Variants in P2RY8 observed in about 807,000 individuals in gnomAD.
P2RY8 encodes P2Y receptor family member 8.
In P2RY8, 6 loss-of-function variants were observed where a neutral mutation model predicts 10.0. The observed-to-expected ratio is 0.60, with a 90% CI of 0.33 to 1.19. P2RY8 has a LOEUF of 1.19. Ranked by LOEUF, P2RY8 falls within the 50% of genes most tolerant of loss-of-function variation. The pLI, the probability that P2RY8 is intolerant of heterozygous loss-of-function variation, is 0.04. For synonymous variants in P2RY8, 276 were observed against 252.5 expected (o/e 1.09, Z -0.88); for missense variants, 456 against 542.0 (o/e 0.84, Z 1.58).
intron 1 of P2RY8, among the ~76,000 whole-genome samples, chrX:1,533,060 A>G (rs1323549716): frequency 1.3e-5 from 2 of 150,032 alleles, no homozygotes; most frequent in African/African-American, 4.9e-5. Context: ...AAGGAATGAC[A>G]CAAAGGACTT....
chrX:1,498,052 C>T (rs2092134311), intron 1 of P2RY8, among the ~76,000 whole-genome samples: 2 of 152,106 alleles, frequency 1.3e-5, no homozygotes, highest in Non-Finnish European at 2.9e-5. Context: ...GAGCTGATTC[C>T]TGGTTTGCCC....
intron 1 of P2RY8, among the ~76,000 whole-genome samples, chrX:1,469,736 A>G (rs2091758665): frequency 6.9e-6 from 1 of 145,142 alleles, no homozygotes; most frequent in Non-Finnish European, 1.6e-5. Context: ...CTAAAAAAAC[A>G]AAAAAACAAA....
At chrX:1,522,167 C>T (rs2092397720) in intron 1 of P2RY8, among the ~76,000 whole-genome samples, 1 of 151,300 alleles carries the variant, frequency 6.6e-6, no homozygotes, top group Non-Finnish European at 1.5e-5. Flanking sequence ...GTTAGCCAGG[C>T]TAGTCTCGAA....
intron 1 of P2RY8, among the ~76,000 whole-genome samples, chrX:1,519,818 A>G (rs1375285264): frequency 6.6e-6 from 1 of 151,046 alleles, no homozygotes; most frequent in African/African-American, 2.4e-5. Context: ...CGGATCCCCA[A>G]TCATATACTT....
chrX:1,531,489 A>G (rs2092475322), intron 1 of P2RY8, among the ~76,000 whole-genome samples: 1 of 152,088 alleles, frequency 6.6e-6, no homozygotes, highest in African/African-American at 2.4e-5. Flanking sequence ...AGGGGTTAGC[A>G]TGCTCAGCCC....
At chrX:1,466,657 C>A in intron 1 of P2RY8, 75 bp from the exon 2 acceptor site, 3 of 1,405,098 alleles carry the variant, frequency 2.1e-6, no homozygotes, top group South Asian at 1.3e-5. Context: ...GGCTCCTGAG[C>A]GCCGCTCCCC....
intron 1 of P2RY8, among the ~76,000 whole-genome samples, chrX:1,526,167 A>C (rs751734442): frequency 6.6e-6 from 1 of 150,884 alleles, no homozygotes; most frequent in South Asian, 2.1e-4. Flanking sequence ...TCATTCATTC[A>C]TTCATCCACT....
chrX:1,467,798 T>C (rs2091710855), intron 1 of P2RY8, among the ~76,000 whole-genome samples: 1 of 151,976 alleles, frequency 6.6e-6, no homozygotes, highest in African/African-American at 2.4e-5. Context: ...TGCCTCAGCC[T>C]CCTGAGTAGT....
At chrX:1,505,494 A>C (rs1450090260) in intron 1 of P2RY8, among the ~76,000 whole-genome samples, 2 of 152,214 alleles carry the variant, frequency 1.3e-5, no homozygotes, top group Admixed American at 1.3e-4. Flanking sequence ...TAGGTGTCTC[A>C]TCAACAATTT....
intron 1 of P2RY8, among the ~76,000 whole-genome samples, chrX:1,513,874 G>A (rs1686311112): frequency 6.6e-6 from 1 of 152,080 alleles, no homozygotes; most frequent in Admixed American, 6.6e-5. Flanking sequence ...CTGTGTCTGT[G>A]TCTCCTCTTC....
intron 1 of P2RY8, among the ~76,000 whole-genome samples, chrX:1,525,457 C>T (rs1202575408): frequency 6.6e-6 from 1 of 152,082 alleles, no homozygotes; most frequent in Non-Finnish European, 1.5e-5. Flanking sequence ...GAGGCATTCC[C>T]AAGCCCAGGG....
In P2RY8 at chrX:1,466,428, G is replaced by C. The variant is rs1483967635; in HGVS notation, c.131C>G (p.Ser44Cys). The C allele has an allele frequency of 1.2e-6, 2 of 1,613,242 alleles. No homozygotes were observed. Among genetic ancestry groups the C allele is most frequent in the Middle Eastern group, 1.7e-4 (1 of 5,770 alleles). The change falls in exon 2 of 2, where the codon TCT (serine) becomes TGT (cysteine). Residue 44 changes from serine (S) to cysteine (C), a missense_variant. Physicochemically the swap from Ser to Cys is moderately radical, Grantham distance 112. Transcript: ENST00000381297. ...AAVSIPGNLF[S>C]LWVLCRRMGP... ...CATGCGCCGGCACAGCACCCACAGAGAGAAGAGGTTGCCCGGGATGCTGAC... is the reference window on the plus strand; with the variant it reads ...CATGCGCCGGCACAGCACCCACAGACAGAAGAGGTTGCCCGGGATGCTGAC...
intron 1 of P2RY8, among the ~76,000 whole-genome samples, chrX:1,480,156 C>T (rs1406018944): frequency 6.6e-6 from 1 of 152,166 alleles, no homozygotes; most frequent in Non-Finnish European, 1.5e-5. Context: ...CCAATATGTG[C>T]TTACAGCTGA....
chrX:1,527,179 G>A (rs1466827922), intron 1 of P2RY8, among the ~76,000 whole-genome samples: 1 of 152,152 alleles, frequency 6.6e-6, no homozygotes, highest in Non-Finnish European at 1.5e-5. Flanking sequence ...ACAGGCGTGA[G>A]CCACCGCGCC....
intron 1 of P2RY8, among the ~76,000 whole-genome samples, chrX:1,527,092 A>T (rs1265464392): frequency 2.6e-5 from 4 of 152,006 alleles, no homozygotes; most frequent in African/African-American, 9.7e-5. Context: ...ACGGGGTTTC[A>T]CCACGCTGGC....
chrX:1,514,615 CCTTCCCTTCCT>C (rs1427452305), intron 1 of P2RY8, among the ~76,000 whole-genome samples: 5 of 87,614 alleles, frequency 5.7e-5, no homozygotes, highest in African/African-American at 1.6e-4. Context: ...TCCTCCCCTC[CCTTCCCTTCCT>C]TTTCCTTTCC....
chrX:1,502,835 C>A (rs770456881), intron 1 of P2RY8, among the ~76,000 whole-genome samples: 1 of 149,548 alleles, frequency 6.7e-6, no homozygotes, highest in Non-Finnish European at 1.5e-5. Flanking sequence ...TGGAATGACG[C>A]GGCCACAAGC....
At chrX:1,488,479 C>T (rs1399807350) in intron 1 of P2RY8, among the ~76,000 whole-genome samples, 1 of 152,190 alleles carries the variant, frequency 6.6e-6, no homozygotes, top group African/African-American at 2.4e-5. Context: ...ATTCCTCTGG[C>T]CCATGCAGCT....
At chrX:1,498,704 G>A (rs2092145083) in intron 1 of P2RY8, among the ~76,000 whole-genome samples, 1 of 151,008 alleles carries the variant, frequency 6.6e-6, no homozygotes, top group Admixed American at 6.6e-5. Flanking sequence ...TTTTAGTAAA[G>A]ATGCGGTTTC....
Sources: allele counts gnomAD v4.1 joint callset (sites outside exome capture counted in the v4.1 genomes callset), GRCh38; gene constraint gnomAD v4.1.1; transcripts MANE v1.5; gene names NCBI Gene and HGNC (gene_info 2026-07-23, HGNC 2026-07-21).